MYO1B: variants seen among roughly 807,000 people sequenced by gnomAD.
MYO1B encodes the protein myosin IB, also known as unconventional myosin-Ib.
A neutral mutation model predicts 159.7 loss-of-function variants in MYO1B; 72 were observed. The observed-to-expected ratio is 0.45, with a 90% confidence interval of 0.37 to 0.55. The LOEUF (loss-of-function observed/expected upper bound fraction) is 0.55, where lower values mean the gene tolerates loss of function less well. Among genes scored for constraint, MYO1B ranks in the 20% least tolerant of loss-of-function variants. The pLI, the probability that MYO1B is intolerant of heterozygous loss-of-function variation, is 0.00. For missense variants in MYO1B, 1,062 were observed against 1,364.8 expected (o/e 0.78, Z 3.50); for synonymous variants, 468 against 473.8 (o/e 0.99, Z 0.16).
intron 19 of MYO1B, 92 bp from the exon 20 acceptor site, chr2:191,392,981 C>A: frequency 2.6e-6 from 3 of 1,136,784 alleles, no homozygotes; most frequent in Non-Finnish European, 3.8e-6. Flanking sequence ...TTGACTCCAA[C>A]ATGATGGCAT....
intron 20 of MYO1B, 41 bp downstream of exon 20, chr2:191,393,263 A>G (rs776032174): frequency 6.2e-7 from 1 of 1,602,440 alleles, no homozygotes; most frequent in Non-Finnish European, 8.5e-7. Flanking sequence ...TAACAATGCT[A>G]ATTTGCCAAC....
intron 18 of MYO1B, among the ~76,000 whole-genome samples, chr2:191,391,863 G>A (rs1695772967): frequency 6.6e-6 from 1 of 152,146 alleles, no homozygotes; most frequent in Admixed American, 6.5e-5. Context: ...ATGAAATCAA[G>A]AAATTGGCTT....
intron 18 of MYO1B, among the ~76,000 whole-genome samples, chr2:191,391,295 G>A (rs985840874): frequency 6.6e-6 from 1 of 152,140 alleles, no homozygotes; most frequent in Admixed American, 6.5e-5. Context: ...TAACTGTACT[G>A]GTATTGCCTA....
chr2:191,314,277 T>G (rs899421025), intron 3 of MYO1B, among the ~76,000 whole-genome samples: 1 of 152,250 alleles, frequency 6.6e-6, no homozygotes, highest in South Asian at 2.1e-4. Context: ...TTTCACACTA[T>G]TGTTCAACAG....
intron 9 of MYO1B, 110 bp downstream of exon 9, chr2:191,362,481 G>A: frequency 1.5e-6 from 1 of 663,388 alleles, no homozygotes; most frequent in East Asian, 3.1e-5. Flanking sequence ...TCTCCCTAAG[G>A]TTTTAGAATT....
At chr2:191,267,294 T>C (rs1448923676) in intron 1 of MYO1B, among the ~76,000 whole-genome samples, 1 of 152,216 alleles carries the variant, frequency 6.6e-6, no homozygotes, top group Non-Finnish European at 1.5e-5. Flanking sequence ...TTCATGTCCT[T>C]TGTATTAGCC....
chr2:191,397,570 G>A (rs1259010151), intron 21 of MYO1B, among the ~76,000 whole-genome samples: 1 of 151,266 alleles, frequency 6.6e-6, no homozygotes, highest in Admixed American at 6.6e-5. Flanking sequence ...AGAACAAAAT[G>A]AAAAGTCTCC....
At chr2:191,323,466 T>C (rs1029315778) in intron 3 of MYO1B, among the ~76,000 whole-genome samples, 1 of 152,148 alleles carries the variant, frequency 6.6e-6, no homozygotes, top group African/African-American at 2.4e-5. Flanking sequence ...TATATACACA[T>C]AACATTCAGA....
At position 191,413,816 on chromosome 2, in the gene MYO1B, A is replaced by G. The variant is rs535123722; in HGVS notation, c.2874-232A>G. On this transcript the variant is annotated intron_variant, in intron 27 of 30. Coordinates refer to ENST00000392318, the MANE Select transcript of MYO1B (RefSeq NM_001130158.3). The stretch of plus-strand genomic sequence containing the variant: ...TGTTCCGTGTGATAAGATTATTATC[A>G]AAGTCCTGCCCACCAAATGCCATGA... Among the ~76,000 whole-genome samples, 8 of 152,324 alleles carry G rather than the reference A, an allele frequency of 5.3e-5. No homozygotes were observed. In the South Asian group the frequency reaches 1.7e-3, roughly 32 times the overall value.
At chr2:191,381,202 G>C in intron 13 of MYO1B, 1 of 480,174 alleles carries the variant, frequency 2.1e-6, no homozygotes, top group Middle Eastern at 5.4e-4. Context: ...TTCTGTTTGG[G>C]GTGCTTCTCT....
chr2:191,357,280 G>A (rs1260552988), intron 7 of MYO1B, among the ~76,000 whole-genome samples: 1 of 152,162 alleles, frequency 6.6e-6, no homozygotes, highest in African/African-American at 2.4e-5. Context: ...ACATGCACAG[G>A]CACTTATACG....
chr2:191,399,164 G>A (rs1318889607), intron 21 of MYO1B, among the ~76,000 whole-genome samples: 4 of 152,178 alleles, frequency 2.6e-5, no homozygotes, highest in Non-Finnish European at 5.9e-5. Flanking sequence ...CACTCGGCAG[G>A]CTGAGGCAGG....
intron 3 of MYO1B, among the ~76,000 whole-genome samples, chr2:191,302,881 G>A: frequency 6.6e-6 from 1 of 152,186 alleles, no homozygotes; most frequent in East Asian, 1.9e-4. Context: ...CTGGTATAGT[G>A]CTAATGTCAG....
intron 3 of MYO1B, among the ~76,000 whole-genome samples, chr2:191,297,617 A>G (rs1366424323): frequency 6.6e-6 from 1 of 152,204 alleles, no homozygotes; most frequent in Non-Finnish European, 1.5e-5. Flanking sequence ...GTAGATATTG[A>G]TGAGGAAATG....
At chr2:191,360,842 A>G in intron 8 of MYO1B, 113 bp downstream of exon 8, 1 of 695,250 alleles carries the variant, frequency 1.4e-6, no homozygotes, top group South Asian at 2.0e-5. Flanking sequence ...CCTGAGCTCA[A>G]GCGATTCTCC....
chr2:191,352,230 C>A (rs1214571120), intron 7 of MYO1B, among the ~76,000 whole-genome samples: 1 of 152,172 alleles, frequency 6.6e-6, no homozygotes, highest in East Asian at 1.9e-4. Flanking sequence ...GTTTTAAGAT[C>A]ACCATTTTAA....
intron 3 of MYO1B, among the ~76,000 whole-genome samples, chr2:191,301,533 C>T (rs4853581): frequency 0.53 from 80,495 of 151,958 alleles, 22,068 homozygotes; most frequent in East Asian, 0.65. Context: ...GAATTGATTC[C>T]GTGTCCCTAA....
intron 2 of MYO1B, among the ~76,000 whole-genome samples, chr2:191,295,684 G>T (rs1688941194): frequency 6.6e-6 from 1 of 152,074 alleles, no homozygotes; most frequent in Admixed American, 6.5e-5. Flanking sequence ...GGGAAGAGGG[G>T]AACACTGGGA....
chr2:191,291,060 T>G (rs1039007103), intron 2 of MYO1B, among the ~76,000 whole-genome samples: 1 of 152,164 alleles, frequency 6.6e-6, no homozygotes, highest in African/African-American at 2.4e-5. Flanking sequence ...TGAAGTAGAA[T>G]CTCTGAGGAT....
Sources: gnomAD v4.1 joint callset for allele counts (sites outside exome capture counted in the v4.1 genomes callset) on GRCh38, gnomAD v4.1.1 for gene constraint, MANE v1.5 for transcripts, NCBI Gene and HGNC (gene_info 2026-07-23, HGNC 2026-07-21) for gene names.